The following ERI3 variants were observed in gnomAD, a reference collection of about 807,000 sequenced individuals.
The protein encoded by ERI3 is ERI1 exoribonuclease 3.
ERI3 carries 18 observed loss-of-function variants against 44.4 expected under a neutral mutation model. The observed-to-expected ratio is 0.41, with a 90% CI of 0.28 to 0.60. ERI3 has a LOEUF of 0.60. Ranked by LOEUF, ERI3 falls within the 20% of genes least tolerant of loss-of-function variation. ERI3 has a pLI of 0.36. For missense variants in ERI3, 294 were observed against 435.5 expected, an observed-to-expected ratio of 0.68 and a Z score of 2.89; for synonymous variants, 183 against 164.8, an observed-to-expected ratio of 1.11 and a Z score of -0.84.
chr1:44,321,200 C>T (rs907982415), intron 3 of ERI3, among the ~76,000 whole-genome samples: 2 of 152,224 alleles, frequency 1.3e-5, no homozygotes, highest in East Asian at 3.8e-4. Flanking sequence ...CAATCCAACA[C>T]ATCAGGACCG....
At chr1:44,334,800 T>C (rs1173464924) in intron 3 of ERI3, among the ~76,000 whole-genome samples, 1 of 152,230 alleles carries the variant, frequency 6.6e-6, no homozygotes, top group African/African-American at 2.4e-5. Flanking sequence ...TTATAACCAA[T>C]GCTGTTACTC....
chr1:44,266,159 T>G lies in ERI3; in HGVS notation c.832-18121A>C, dbSNP rs535139140. Among the ~76,000 whole-genome samples, 22 of 152,314 alleles carry G rather than the reference T, an allele frequency of 1.4e-4. No individual in the cohort carries two copies. In the South Asian group the frequency reaches 4.4e-3, roughly 30 times the overall value. On this transcript the variant is annotated intron_variant, in intron 7 of 8. Coordinates refer to ENST00000372257, the MANE Select transcript of ERI3 (RefSeq NM_024066.3). ...ACCATGCCTAGCTTTCTGAAGGCAC[T>G]TGATATAGGCACTTGATGTAGGTGT...
chr1:44,301,481 A>G lies in ERI3; in HGVS notation c.758+6829T>C, dbSNP rs567579443. 3.9e-5 allele frequency among the ~76,000 whole-genome samples: 6 copies of G among 152,298 alleles called. No homozygotes were observed. The East Asian group carries it at 9.6e-4, about 24-fold the overall frequency. On this transcript the variant is annotated intron_variant, in intron 6 of 8. Transcript: ENST00000372257. Reference sequence around the variant, plus strand: ...AATACCCTCATTCCTTACCTCAGAGAAGGAGGCCATGACATAATTTGCCCC... The same window carrying G: ...AATACCCTCATTCCTTACCTCAGAGGAGGAGGCCATGACATAATTTGCCCC...
At chr1:44,303,527 G>A (rs556717809) in intron 6 of ERI3, among the ~76,000 whole-genome samples, 10 of 152,304 alleles carry the variant, frequency 6.6e-5, no homozygotes, top group Non-Finnish European at 8.8e-5. Flanking sequence ...AATCTAGTGC[G>A]AGAGAAAGAC....
chr1:44,354,475 A>C (rs1056399041), intron 1 of ERI3: 15 of 985,262 alleles, frequency 1.5e-5, no homozygotes, highest in African/African-American at 1.7e-5. Context: ...CAAGACAGGC[A>C]AACAGAAAGC....
chr1:44,310,421 T>C (rs145525798), intron 5 of ERI3, among the ~76,000 whole-genome samples: 18 of 152,246 alleles, frequency 1.2e-4, no homozygotes, highest in African/African-American at 4.3e-4. Flanking sequence ...TCTTACTCAC[T>C]GCCTTAATCT....
chr1:44,340,132 T>A (rs1646622542), intron 2 of ERI3, among the ~76,000 whole-genome samples: 1 of 147,362 alleles, frequency 6.8e-6, no homozygotes, highest in African/African-American at 2.5e-5. Context: ...TAGTAAAGTT[T>A]TCTGAGTGAA....
intron 2 of ERI3, among the ~76,000 whole-genome samples, chr1:44,347,008 T>C (rs778455309): frequency 7.2e-5 from 11 of 152,056 alleles, no homozygotes; most frequent in Admixed American, 2.0e-4. Context: ...CTCCCAAGTA[T>C]CAAGCAGAAT....
chr1:44,331,697 A>G (rs1293987355), intron 3 of ERI3, among the ~76,000 whole-genome samples: 3 of 152,242 alleles, frequency 2.0e-5, no homozygotes, highest in Non-Finnish European at 4.4e-5. Flanking sequence ...CTCATTTTCA[A>G]TATTTCTACA....
At chr1:44,286,822 T>C (rs1057038297) in intron 6 of ERI3, among the ~76,000 whole-genome samples, 1 of 152,170 alleles carries the variant, frequency 6.6e-6, no homozygotes, top group Non-Finnish European at 1.5e-5. Flanking sequence ...CCTTCCAAGA[T>C]CTGAGAGTCC....
intron 2 of ERI3, among the ~76,000 whole-genome samples, chr1:44,348,982 C>T (rs1646838366): frequency 6.6e-6 from 1 of 152,172 alleles, no homozygotes; most frequent in South Asian, 2.1e-4. Context: ...TTGAGAGGCA[C>T]TTTACAAAGA....
rs189984348 is a variant in ERI3, at chr1:44,282,497, T to C, written c.831+2338A>G. 1.6e-3 allele frequency among the ~76,000 whole-genome samples: 237 copies of C among 152,342 alleles called. 1 individual carries two copies. Among genetic ancestry groups the C allele is most frequent in the Non-Finnish European group, 2.9e-3 (199 of 68,030 alleles). On this transcript the variant is annotated intron_variant, in intron 7 of 8. Transcript: ENST00000372257. The stretch of plus-strand genomic sequence containing the variant: ...CCTGCAACCTTGGCAATGACCTCTC[T>C]GGCTTTGCTTTTATCATTACTCTTT...
chr1:44,292,754 T>C (rs1645534881), intron 6 of ERI3, among the ~76,000 whole-genome samples: 2 of 152,206 alleles, frequency 1.3e-5, no homozygotes, highest in South Asian at 4.1e-4. Flanking sequence ...CCCCTTCCTC[T>C]GGGACGGCTG....
intron 7 of ERI3, among the ~76,000 whole-genome samples, chr1:44,249,473 T>C (rs939432866): frequency 5.9e-5 from 9 of 152,292 alleles, no homozygotes; most frequent in Non-Finnish European, 1.0e-4. Flanking sequence ...GTGTCCACCC[T>C]TCCTTTCCAG....
At chr1:44,234,940 GT>G (rs1644270372) in intron 8 of ERI3, among the ~76,000 whole-genome samples, 1 of 152,072 alleles carries the variant, frequency 6.6e-6, no homozygotes, top group South Asian at 2.1e-4. Context: ...CAGTACCAAT[GT>G]TAATTTTCTG....
chr1:44,331,437 G>A (rs1404348609), intron 3 of ERI3, among the ~76,000 whole-genome samples: 1 of 152,006 alleles, frequency 6.6e-6, no homozygotes, highest in African/African-American at 2.4e-5. Flanking sequence ...ATGCCTCAGA[G>A]CCTTAGCCTT....
intron 4 of ERI3, among the ~76,000 whole-genome samples, chr1:44,316,257 T>C (rs1288160760): frequency 6.6e-6 from 1 of 152,182 alleles, no homozygotes; most frequent in Non-Finnish European, 1.5e-5. Flanking sequence ...GAACCAGGGC[T>C]CACAGGCTAA....
At chr1:44,288,827 T>C (rs1186987120) in intron 6 of ERI3, among the ~76,000 whole-genome samples, 3 of 151,530 alleles carry the variant, frequency 2.0e-5, no homozygotes, top group Non-Finnish European at 2.9e-5. Flanking sequence ...AGTGGGTACA[T>C]GGTTCCACCA....
chr1:44,275,554 C>T (rs1645164932), intron 7 of ERI3, among the ~76,000 whole-genome samples: 1 of 152,258 alleles, frequency 6.6e-6, no homozygotes, highest in Non-Finnish European at 1.5e-5. Context: ...GTTTCTCCTG[C>T]TGCACCCTCC....
Sources: allele counts gnomAD v4.1 joint callset (sites outside exome capture counted in the v4.1 genomes callset), GRCh38; gene constraint gnomAD v4.1.1; transcripts MANE v1.5; gene names NCBI Gene and HGNC (gene_info 2026-07-23, HGNC 2026-07-21).